Variants in PKHD1 observed in about 807,000 individuals in gnomAD.
PKHD1 encodes the protein PKHD1 ciliary IPT domain containing fibrocystin/polyductin, also known as fibrocystin.
Under a neutral mutation model 412.0 loss-of-function variants are expected in PKHD1, and 291 were observed. The ratio of observed to expected loss-of-function variants is 0.71; its 90% CI spans 0.64 to 0.78. The LOEUF is 0.78. Ranked by LOEUF, PKHD1 falls within the 30% of genes least tolerant of loss-of-function variation. PKHD1 has a pLI of 0.00. For synonymous variants in PKHD1, 1,777 were observed against 1,821.5 expected, an observed-to-expected ratio of 0.98 and a Z score of 0.62; for missense variants, 4,825 against 4,950.7, an observed-to-expected ratio of 0.97 and a Z score of 0.76.
In PKHD1 at chr6:51,619,291, C is replaced by A. The variant is rs764732802; in HGVS notation, c.12015G>T (p.Gln4005His). ...GGCCTGCCAGCTGGTATCTGAGCAA[C>A]TGCTCTTGGCCCTCCTTCCAGTTCC... Reference protein sequence around the residue: ...ETGNWKEGQEQLLRYQLAGQN... With the variant: ...ETGNWKEGQEHLLRYQLAGQN... The change falls in exon 67 of 67, where the codon CAG (glutamine) becomes CAT (histidine). Residue 4005 changes from glutamine (Q) to histidine (H), a missense_variant. Physicochemically the swap from Gln to His is conservative, Grantham distance 24. Coordinates refer to ENST00000371117, the MANE Select transcript of PKHD1 (RefSeq NM_138694.4). The A allele has an allele frequency of 1.9e-6, 3 of 1,614,158 alleles. No individual in the cohort carries two copies. Among genetic ancestry groups the A allele is most frequent in the Non-Finnish European group, 2.5e-6 (3 of 1,180,060 alleles).
chr6:51,871,313 T>TTTAGAAAAAAAAGGAA, intron 46 of PKHD1, among the ~76,000 whole-genome samples: 1 of 130,994 alleles, frequency 7.6e-6, no homozygotes, highest in South Asian at 2.3e-4. Context: ...CAAACTGCAT[T>TTTAGAAAAAAAAGGAA]ACATCTATCT....
chr6:52,039,891 G>A (rs1458041202), intron 27 of PKHD1, among the ~76,000 whole-genome samples: 1 of 152,060 alleles, frequency 6.6e-6, no homozygotes, highest in Non-Finnish European at 1.5e-5. Flanking sequence ...ACAAAATATG[G>A]TATATCCATA....
intron 35 of PKHD1, among the ~76,000 whole-genome samples, chr6:51,982,137 G>A (rs1158815502): frequency 1.3e-4 from 7 of 53,582 alleles, no homozygotes; most frequent in East Asian, 4.8e-4. Context: ...CCCCGTCTGG[G>A]AAGTGAGGAG....
intron 35 of PKHD1, among the ~76,000 whole-genome samples, chr6:51,985,527 G>A (rs1366857764): frequency 2.0e-5 from 3 of 152,260 alleles, no homozygotes; most frequent in African/African-American, 4.8e-5. Flanking sequence ...CCAGGAGTTC[G>A]AGACCCACCT....
chr6:51,798,714 T>C (rs1167432487), intron 52 of PKHD1, among the ~76,000 whole-genome samples: 1 of 152,210 alleles, frequency 6.6e-6, no homozygotes, highest in African/African-American at 2.4e-5. Context: ...TCCTAAAATA[T>C]GTTTTCCAAA....
At chr6:51,757,076 G>A (rs1562243744) in intron 55 of PKHD1, among the ~76,000 whole-genome samples, 1 of 152,120 alleles carries the variant, frequency 6.6e-6, no homozygotes, top group Non-Finnish European at 1.5e-5. Context: ...ATGCTCCCTT[G>A]CCCACCACTC....
chr6:52,009,452 C>T (rs556778680), intron 35 of PKHD1, among the ~76,000 whole-genome samples: 5 of 152,254 alleles, frequency 3.3e-5, no homozygotes, highest in East Asian at 1.9e-4. Context: ...GAATCTGGTA[C>T]GGCGAGTGCC....
At chr6:51,881,248 T>C (rs1562522251) in intron 46 of PKHD1, among the ~76,000 whole-genome samples, 2 of 152,080 alleles carry the variant, frequency 1.3e-5, no homozygotes. Context: ...ATGAATTTTA[T>C]TCTGTATATT....
chr6:51,977,311 C>A (rs892328090), intron 35 of PKHD1, among the ~76,000 whole-genome samples: 3 of 152,238 alleles, frequency 2.0e-5, no homozygotes, highest in African/African-American at 7.2e-5. Flanking sequence ...TGTGTATTCA[C>A]AAGCCCTGTT....
intron 52 of PKHD1, among the ~76,000 whole-genome samples, chr6:51,806,232 A>T (rs1039065318): frequency 3.3e-5 from 5 of 152,202 alleles, no homozygotes; most frequent in African/African-American, 9.6e-5. Context: ...ATAAAAAAAA[A>T]AGAGGCATTC....
intron 36 of PKHD1, among the ~76,000 whole-genome samples, chr6:51,949,694 C>G (rs1790023221): frequency 6.6e-6 from 1 of 152,132 alleles, no homozygotes; most frequent in African/African-American, 2.4e-5. Flanking sequence ...CTCCATAATC[C>G]TATCCACTAG....
At chr6:51,712,758 A>G (rs1780807826) in intron 60 of PKHD1, among the ~76,000 whole-genome samples, 1 of 152,218 alleles carries the variant, frequency 6.6e-6, no homozygotes, top group South Asian at 2.1e-4. Flanking sequence ...TTGACTTCAC[A>G]TCTCTGAAAT....
At chr6:51,722,063 C>T in intron 60 of PKHD1, 1 of 1,613,340 alleles carries the variant, frequency 6.2e-7, no homozygotes, top group Non-Finnish European at 8.5e-7. Flanking sequence ...TGAAGGCTCT[C>T]CAAAAATATG....
At chr6:51,802,564 C>T (rs1309914714) in intron 52 of PKHD1, among the ~76,000 whole-genome samples, 1 of 151,412 alleles carries the variant, frequency 6.6e-6, no homozygotes, top group African/African-American at 2.5e-5. Flanking sequence ...AACTTATTTT[C>T]CTATGTGGGT....
intron 52 of PKHD1, among the ~76,000 whole-genome samples, chr6:51,805,062 A>G (rs776474075): frequency 6.6e-6 from 1 of 152,212 alleles, no homozygotes; most frequent in African/African-American, 2.4e-5. Context: ...TTATTCTACC[A>G]AAAGACACAT....
Position 51,748,648 on chromosome 6 carries a change from TAAG to T in PKHD1, c.8965_8967del (p.Leu2989del). On this transcript the variant is annotated inframe_deletion, in exon 58 of 67. Transcript: ENST00000371117. Reference sequence around the variant, plus strand: ...GACCCGAAGTTCTGAATTTCCACATTAAGAAGTTGAAGGACACCTATAAACAAA... The same window carrying T: ...GACCCGAAGTTCTGAATTTCCACATTAAGTTGAAGGACACCTATAAACAAA... 1 of 1,613,762 alleles carries T rather than the reference TAAG, an allele frequency of 6.2e-7. No homozygotes were observed. Among genetic ancestry groups the T allele is most frequent in the African/African-American group, 1.3e-5 (1 of 75,030 alleles).
At chr6:51,771,398 G>T (rs1043003417) in intron 55 of PKHD1, among the ~76,000 whole-genome samples, 2 of 152,064 alleles carry the variant, frequency 1.3e-5, no homozygotes, top group African/African-American at 4.8e-5. Context: ...AAGACGGGTG[G>T]ATCACCTGAG....
chr6:51,638,710 C>T, intron 64 of PKHD1, 139 bp downstream of exon 64: 2 of 677,170 alleles, frequency 3.0e-6, no homozygotes, highest in Non-Finnish European at 5.2e-6. Flanking sequence ...CTTAATGATA[C>T]AGTCAAGTGA....
chr6:51,805,873 T>G (rs1763683302), intron 52 of PKHD1, among the ~76,000 whole-genome samples: 1 of 152,186 alleles, frequency 6.6e-6, no homozygotes, highest in Admixed American at 6.6e-5. Context: ...CACATTTTCT[T>G]AATCCAGTCT....
Sources: gnomAD v4.1 joint callset for allele counts (sites outside exome capture counted in the v4.1 genomes callset) on GRCh38, gnomAD v4.1.1 for gene constraint, MANE v1.5 for transcripts, NCBI Gene and HGNC (gene_info 2026-07-23, HGNC 2026-07-21) for gene names.